CAP2: variants seen among roughly 807,000 people sequenced by gnomAD.
The protein encoded by CAP2 is adenylyl cyclase-associated protein 2.
CAP2 carries 24 observed loss-of-function variants against 57.7 expected under a neutral mutation model. That is an observed-to-expected ratio of 0.42 (90% CI 0.30 to 0.58). The LOEUF (loss-of-function observed/expected upper bound fraction) is 0.58. Ranked by LOEUF, CAP2 falls within the 20% of genes least tolerant of loss-of-function variation. The pLI is 0.22. For missense variants in CAP2, 501 were observed against 590.3 expected (o/e 0.85, Z 1.57); for synonymous variants, 194 against 207.2 (o/e 0.94, Z 0.55).
intron 7 of CAP2, among the ~76,000 whole-genome samples, chr6:17,528,521 G>C (rs1323970099): frequency 1.3e-5 from 2 of 152,134 alleles, no homozygotes; most frequent in Non-Finnish European, 2.9e-5. Context: ...GACATACAGG[G>C]ACCACAGGAG....
At chr6:17,441,743 C>T (rs969880013) in intron 3 of CAP2, among the ~76,000 whole-genome samples, 6 of 152,172 alleles carry the variant, frequency 3.9e-5, no homozygotes, top group Non-Finnish European at 7.3e-5. Context: ...CCTTGGCCTC[C>T]CAAAGTGTTG....
chr6:17,534,114 G>T (rs1001086919), intron 7 of CAP2, among the ~76,000 whole-genome samples: 2 of 152,180 alleles, frequency 1.3e-5, no homozygotes, highest in African/African-American at 2.4e-5. Context: ...ATGTGGCTTT[G>T]TGCAAGTTAC....
intron 3 of CAP2, among the ~76,000 whole-genome samples, chr6:17,436,916 G>T (rs1759906787): frequency 2.6e-5 from 4 of 152,082 alleles, no homozygotes; most frequent in Admixed American, 2.6e-4. Context: ...ATCAGTGGCG[G>T]CATTAGATTC....
chr6:17,433,242 ATG>A (rs1032299467), intron 3 of CAP2, among the ~76,000 whole-genome samples: 10 of 152,286 alleles, frequency 6.6e-5, no homozygotes, highest in Admixed American at 1.3e-4. Flanking sequence ...AGAAGGAACC[ATG>A]TCAGAAAAAG....
chr6:17,419,039 A>G (rs905986675), intron 1 of CAP2, among the ~76,000 whole-genome samples: 2 of 152,194 alleles, frequency 1.3e-5, no homozygotes, highest in Admixed American at 6.5e-5. Flanking sequence ...TGCCAGTTTC[A>G]GGAGAGATGA....
chr6:17,496,035 G>GGGT lies in CAP2; in HGVS notation c.301-11132_301-11131insTGG, dbSNP rs1554127028. Reference sequence around the variant, plus strand: ...GTGCATGCGTGTGTGGGTGGGGGGGGGGGGTAAGTCAGGGAAAACAGGCTG... The same window carrying GGGT: ...GTGCATGCGTGTGTGGGTGGGGGGGGGGTGGGGTAAGTCAGGGAAAACAGGCTG... On this transcript the variant is annotated intron_variant, in intron 4 of 12. Transcript: ENST00000229922. Among the ~76,000 whole-genome samples, 12 of 130,658 alleles carry GGGT rather than the reference G, an allele frequency of 9.2e-5. 1 individual carries two copies. The highest frequency in any genetic ancestry group is 2.3e-4 in the Admixed American group (3 of 13,220). The allele number at this position is 130,658 out of a possible 152,430, so 85.7% of individuals were successfully genotyped here. A position where few individuals can be genotyped will look rare whatever the true frequency, so the allele number is the denominator to read the frequency against.
At chr6:17,426,236 T>C (rs1650402839) in intron 2 of CAP2, among the ~76,000 whole-genome samples, 2 of 150,896 alleles carry the variant, frequency 1.3e-5, no homozygotes, top group Non-Finnish European at 1.5e-5. Flanking sequence ...GTTTTCTTTT[T>C]TTTTTTTTTT....
At chr6:17,481,622 G>A (rs940622774) in intron 4 of CAP2, among the ~76,000 whole-genome samples, 3 of 152,088 alleles carry the variant, frequency 2.0e-5, no homozygotes, top group African/African-American at 7.2e-5. Flanking sequence ...TCTCAAGTAT[G>A]TCCTTATAAA....
At chr6:17,397,803 T>A (rs1279139477) in intron 1 of CAP2, among the ~76,000 whole-genome samples, 1 of 152,052 alleles carries the variant, frequency 6.6e-6, no homozygotes, top group Non-Finnish European at 1.5e-5. Flanking sequence ...TTGACAGGCA[T>A]TTGGGTTGGT....
intron 7 of CAP2, among the ~76,000 whole-genome samples, chr6:17,538,634 A>G (rs944746931): frequency 2.6e-5 from 4 of 152,194 alleles, no homozygotes; most frequent in African/African-American, 9.7e-5. Flanking sequence ...TGGTTCACTA[A>G]CAGCCAACAT....
chr6:17,417,667 G>C (rs1338819499), intron 1 of CAP2, among the ~76,000 whole-genome samples: 2 of 152,152 alleles, frequency 1.3e-5, no homozygotes, highest in Non-Finnish European at 2.9e-5. Context: ...TCAGGTGTTT[G>C]TGTATATCCT....
At chr6:17,525,521 T>C (rs2113680734) in intron 7 of CAP2, among the ~76,000 whole-genome samples, 1 of 152,078 alleles carries the variant, frequency 6.6e-6, no homozygotes. Flanking sequence ...CTTATCACCA[T>C]GCCCACCACA....
intron 4 of CAP2, among the ~76,000 whole-genome samples, chr6:17,482,988 C>T (rs572526902): frequency 5.9e-5 from 9 of 152,234 alleles, no homozygotes; most frequent in Non-Finnish European, 8.8e-5. Context: ...TCCTGGCTTA[C>T]GCCATCACAT....
chr6:17,498,505 T>C (rs908246464), intron 4 of CAP2, among the ~76,000 whole-genome samples: 1 of 152,164 alleles, frequency 6.6e-6, no homozygotes, highest in Non-Finnish European at 1.5e-5. Context: ...TAGAACAATC[T>C]CATGTCAAAC....
chr6:17,480,885 C>T (rs1761272233), intron 4 of CAP2, among the ~76,000 whole-genome samples: 1 of 150,922 alleles, frequency 6.6e-6, no homozygotes, highest in Non-Finnish European at 1.5e-5. Context: ...AGTGATTCTC[C>T]TGCCTCAGCC....
intron 11 of CAP2, among the ~76,000 whole-genome samples, chr6:17,548,147 C>A (rs1229262587): frequency 2.0e-5 from 3 of 151,988 alleles, no homozygotes; most frequent in Non-Finnish European, 4.4e-5. Context: ...GCGGGCAGAT[C>A]ATGAGGTCAG....
intron 11 of CAP2, 129 bp from the exon 12 acceptor site, chr6:17,551,335 T>G: frequency 1.4e-6 from 1 of 697,242 alleles, no homozygotes; most frequent in Non-Finnish European, 2.4e-6. Flanking sequence ...CTCCCCAGCT[T>G]TGACCCAGTG....
intron 12 of CAP2, among the ~76,000 whole-genome samples, chr6:17,555,352 G>A (rs1245209859): frequency 4.1e-5 from 6 of 147,988 alleles, no homozygotes; most frequent in East Asian, 4.1e-4. Context: ...GCGCCACCAC[G>A]CCCGGCTAAT....
At chr6:17,505,124 T>C (rs987672263) in intron 4 of CAP2, among the ~76,000 whole-genome samples, 36 of 152,318 alleles carry the variant, frequency 2.4e-4, no homozygotes, top group Non-Finnish European at 3.1e-4. Flanking sequence ...CAGTATCTCC[T>C]GTAGCCTGTA....
Sources: allele counts gnomAD v4.1 joint callset (sites outside exome capture counted in the v4.1 genomes callset), GRCh38; gene constraint gnomAD v4.1.1; transcripts MANE v1.5; gene names NCBI Gene and HGNC (gene_info 2026-07-23, HGNC 2026-07-21).